SMYD3: variants seen among roughly 807,000 people sequenced by gnomAD.
The protein encoded by SMYD3 is histone-lysine N-methyltransferase SMYD3.
SMYD3 carries 36 observed loss-of-function variants against 57.7 expected under a neutral mutation model. That is an observed-to-expected ratio of 0.62 (90% CI 0.48 to 0.82). SMYD3 has a LOEUF of 0.82. Ranked by LOEUF, SMYD3 falls within the 40% of genes least tolerant of loss-of-function variation. The pLI is 0.00. For missense variants in SMYD3, 515 were observed against 538.8 expected (o/e 0.96, Z 0.44); for synonymous variants, 211 against 195.0 (o/e 1.08, Z -0.68).
chr1:246,080,802 A>C (rs569800394), intron 5 of SMYD3, among the ~76,000 whole-genome samples: 2 of 152,270 alleles, frequency 1.3e-5, no homozygotes, highest in South Asian at 4.1e-4. Flanking sequence ...GAACTCTATA[A>C]AGGCAGAAAT....
chr1:245,950,896 A>G (rs181176907), intron 5 of SMYD3, among the ~76,000 whole-genome samples: 334 of 152,338 alleles, frequency 2.2e-3, no homozygotes, highest in Non-Finnish European at 3.8e-3. Context: ...AACAGAGTAA[A>G]AACACTTACG....
Position 246,202,254 on chromosome 1 carries a change from T to C in SMYD3, c.531+124947A>G, listed in dbSNP as rs572226283. Among the ~76,000 whole-genome samples, 295 of 152,324 alleles carry C rather than the reference T, an allele frequency of 1.9e-3. 1 individual carries two copies. The highest frequency in any genetic ancestry group is 3.6e-3 in the Non-Finnish European group (248 of 68,024). ...TCAGTCCTTTTATTTAGTACTGTAGTTCCTGAAACACTGCCTTAAAAATCC... is the reference window on the plus strand; with the variant it reads ...TCAGTCCTTTTATTTAGTACTGTAGCTCCTGAAACACTGCCTTAAAAATCC... On this transcript the variant is annotated intron_variant, in intron 5 of 11. Transcript: ENST00000490107. The surrounding 1 kb of genome is among the most constrained non-coding windows in gnomAD (Gnocchi z 4.1).
In SMYD3 at chr1:246,446,382, A is replaced by G. The variant is rs142095077; in HGVS notation, c.164+60672T>C. 7.1e-4 allele frequency among the ~76,000 whole-genome samples: 108 copies of G among 152,348 alleles called. 1 individual carries two copies. Among genetic ancestry groups the G allele is most frequent in the African/African-American group, 2.2e-3 (92 of 41,586 alleles). On this transcript the variant is annotated intron_variant, in intron 1 of 11. Transcript: ENST00000490107. The stretch of plus-strand genomic sequence containing the variant: ...TTCTATTTATCTAGTAAGAAAAGGC[A>G]TGACCATTTACTATATATAAAAACA...
chr1:245,789,921 GTTCA>G (rs1052875662), intron 10 of SMYD3, among the ~76,000 whole-genome samples: 30 of 152,288 alleles, frequency 2.0e-4, no homozygotes, highest in African/African-American at 7.2e-4. Context: ...TCATTTATTT[GTTCA>G]TTCATTCATT....
At chr1:245,829,960 G>A (rs889825382) in intron 10 of SMYD3, among the ~76,000 whole-genome samples, 3 of 152,024 alleles carry the variant, frequency 2.0e-5, no homozygotes, top group African/African-American at 7.3e-5. Flanking sequence ...AGGGACTGGG[G>A]GGCTGGGGAG....
chr1:246,125,037 A>G (rs368439124), intron 5 of SMYD3, among the ~76,000 whole-genome samples: 77 of 139,518 alleles, frequency 5.5e-4, no homozygotes, highest in South Asian at 1.9e-3. Flanking sequence ...GCGCCACTGC[A>G]CTCCAGCCTG....
At chr1:246,458,790 C>T (rs1395066440) in intron 1 of SMYD3, among the ~76,000 whole-genome samples, 1 of 151,974 alleles carries the variant, frequency 6.6e-6, no homozygotes, top group African/African-American at 2.4e-5. Context: ...AAATACAGTA[C>T]ATTATATCCA....
intron 5 of SMYD3, among the ~76,000 whole-genome samples, chr1:246,246,150 A>C (rs925287046): frequency 6.6e-5 from 10 of 152,190 alleles, no homozygotes; most frequent in Non-Finnish European, 1.5e-4. Context: ...CTTTTATTCT[A>C]GCTGCCAGAA....
At chr1:245,991,060 GA>G (rs1219449038) in intron 5 of SMYD3, among the ~76,000 whole-genome samples, 1 of 152,176 alleles carries the variant, frequency 6.6e-6, no homozygotes, top group African/African-American at 2.4e-5. Context: ...ATCCAAACAA[GA>G]AAAATTCAGT....
At chr1:245,831,750 G>A (rs768473465) in intron 10 of SMYD3, among the ~76,000 whole-genome samples, 2 of 152,302 alleles carry the variant, frequency 1.3e-5, no homozygotes, top group East Asian at 3.9e-4. Flanking sequence ...ACTGACAAGG[G>A]AACAGAAAAC....
chr1:246,394,838 T>C (rs2066632063), intron 1 of SMYD3, among the ~76,000 whole-genome samples: 1 of 151,996 alleles, frequency 6.6e-6, no homozygotes, highest in Non-Finnish European at 1.5e-5. Flanking sequence ...CAGCTACTCT[T>C]TATTATATGA....
At chr1:246,314,907 C>T (rs1160796168) in intron 5 of SMYD3, among the ~76,000 whole-genome samples, 1 of 152,188 alleles carries the variant, frequency 6.6e-6, no homozygotes, top group Non-Finnish European at 1.5e-5. Context: ...ACAGATATTG[C>T]TGAAAGGTTG....
chr1:246,485,194 C>T (rs113898441), intron 1 of SMYD3, among the ~76,000 whole-genome samples: 5 of 151,860 alleles, frequency 3.3e-5, no homozygotes, highest in Non-Finnish European at 5.9e-5. Flanking sequence ...GAAAAGACAT[C>T]ACCTCAACCA....
Position 245,764,092 on chromosome 1 carries a change from T to C in SMYD3, c.1134A>G (p.Lys378=). The change falls in exon 11 of 12, where the codon AAA becomes AAG. Residue 378 remains lysine, a synonymous_variant. Transcript: ENST00000490107. ...GAAACATGCCTTGATGTAGCTGCAG[T>C]TTGCCAACTTTCATCACTTGAACCC... ...VRGVQVMKVG[K]LQLHQGMFPQ... 1 of 1,614,082 alleles carries C rather than the reference T, an allele frequency of 6.2e-7. No homozygotes were observed. The highest frequency in any genetic ancestry group is 8.5e-7 in the Non-Finnish European group (1 of 1,180,014).
intron 1 of SMYD3, among the ~76,000 whole-genome samples, chr1:246,446,921 C>T (rs2067558074): frequency 6.6e-6 from 1 of 151,360 alleles, no homozygotes; most frequent in Non-Finnish European, 1.5e-5. Context: ...CCCAGCTAGT[C>T]AGGAGGCTGA....
intron 5 of SMYD3, among the ~76,000 whole-genome samples, chr1:245,950,594 G>A (rs138467740): frequency 1.8e-3 from 268 of 152,286 alleles, no homozygotes; most frequent in Admixed American, 3.5e-3. Context: ...CACTTTCAGC[G>A]TCATAGTTCT....
At chr1:245,788,964 AG>A (rs1243538765) in intron 10 of SMYD3, 9 of 152,184 alleles carry the variant, frequency 5.9e-5, no homozygotes, top group Non-Finnish European at 1.3e-4. Context: ...TCTTCCTTCC[AG>A]GAGGAGGTTT....
chr1:245,812,967 G>A (rs1469801263), intron 10 of SMYD3, among the ~76,000 whole-genome samples: 1 of 150,894 alleles, frequency 6.6e-6, no homozygotes, highest in Admixed American at 6.6e-5. Context: ...GAGGTGAGGA[G>A]GAGAGGAAGG....
intron 5 of SMYD3, among the ~76,000 whole-genome samples, chr1:246,107,082 A>G (rs7543146): frequency 0.18 from 24,501 of 139,308 alleles, 3,239 homozygotes; most frequent in East Asian, 0.52. Context: ...GGCGGATCAC[A>G]AGGTCAGGAG....
Sources: allele counts gnomAD v4.1 joint callset (sites outside exome capture counted in the v4.1 genomes callset), GRCh38; gene constraint gnomAD v4.1.1; non-coding constraint Gnocchi (gnomAD v3.1); transcripts MANE v1.5; gene names NCBI Gene and HGNC (gene_info 2026-07-23, HGNC 2026-07-21).